RPS6KA4: variants seen among roughly 807,000 people sequenced by gnomAD.
The protein encoded by RPS6KA4 is ribosomal protein S6 kinase A4, also known as ribosomal protein S6 kinase alpha-4.
Under a neutral mutation model 89.6 loss-of-function variants are expected in RPS6KA4, and 38 were observed. That is an observed-to-expected ratio of 0.42 (90% CI 0.33 to 0.56). The LOEUF is 0.56. Ranked by LOEUF, RPS6KA4 falls within the 20% of genes least tolerant of loss-of-function variation. The pLI is 0.07. For missense variants in RPS6KA4, 873 were observed against 1,098.8 expected, an observed-to-expected ratio of 0.79 and a Z score of 2.90; for synonymous variants, 495 against 492.8, an observed-to-expected ratio of 1.00 and a Z score of -0.06.
chr11:64,365,714 CTT>C (rs1156259335), intron 9 of RPS6KA4, among the ~76,000 whole-genome samples: 1 of 152,178 alleles, frequency 6.6e-6, no homozygotes, highest in Non-Finnish European at 1.5e-5. Context: ...TCCATCATCT[CTT>C]TATTGTTATG....
chr11:64,369,729 G>A lies in RPS6KA4; in HGVS notation c.1633G>A (p.Ala545Thr). ...NILYADDTPG[A>T]PVKIIDFGFA... ...CCTGTACGCCGACGACACGCCCGGG[G>A]CCCCGGTGAAAATCATCGACTTCGG... is the stretch of plus-strand genomic sequence containing the variant. Residue 545 changes from alanine (A) to threonine (T), a missense_variant, in exon 14 of 17, where the codon GCC becomes ACC. Around this residue, in one of 4 missense-constraint regions of RPS6KA4, gnomAD observed 542 missense variants for 736.4 expected, o/e 0.74. Transcript: ENST00000334205. 1 of 1,611,144 alleles carries A rather than the reference G, an allele frequency of 6.2e-7. No individual in the cohort carries two copies. Among genetic ancestry groups the A allele is most frequent in the Non-Finnish European group, 8.5e-7 (1 of 1,178,936 alleles).
chr11:64,367,406 G>A (rs1295571843), intron 9 of RPS6KA4, among the ~76,000 whole-genome samples: 1 of 152,214 alleles, frequency 6.6e-6, no homozygotes. Flanking sequence ...TGCCTCCCGG[G>A]TTCAAGCGAT....
At chr11:64,365,045 G>A (rs189610558) in intron 8 of RPS6KA4, among the ~76,000 whole-genome samples, 1 of 151,914 alleles carries the variant, frequency 6.6e-6, no homozygotes, top group East Asian at 1.9e-4. Context: ...GAGCCACCAC[G>A]CCCGACCTTT....
chr11:64,364,112 T>C (rs1241923068), intron 8 of RPS6KA4, among the ~76,000 whole-genome samples: 2 of 152,060 alleles, frequency 1.3e-5, no homozygotes, highest in Non-Finnish European at 2.9e-5. Context: ...CAGTGCCACA[T>C]TGTCTTCAGG....
At chr11:64,368,392 C>T in intron 10 of RPS6KA4, 76 bp from the exon 11 acceptor site, 1 of 1,540,856 alleles carries the variant, frequency 6.5e-7, no homozygotes, top group Non-Finnish European at 8.7e-7. Context: ...CGACATGGGG[C>T]GTGGCGGGGC....
intron 9 of RPS6KA4, among the ~76,000 whole-genome samples, chr11:64,366,415 C>T (rs2036887683): frequency 6.6e-6 from 1 of 152,266 alleles, no homozygotes; most frequent in Non-Finnish European, 1.5e-5. Context: ...GTGGTCCGCC[C>T]ACCTCGGCCT....
chr11:64,369,883 G>C lies in RPS6KA4; in HGVS notation c.1787G>C (p.Gly596Ala). 6.5e-7 allele frequency: 1 copy of C among 1,544,764 alleles called. No homozygotes were observed. The highest frequency in any genetic ancestry group is 8.7e-7 in the Non-Finnish European group (1 of 1,143,616). Residue 596 changes from glycine (G) to alanine (A), a missense_variant, in exon 14 of 17, where the codon GGC becomes GCC. Physicochemically the swap from Gly to Ala is moderately conservative, Grantham distance 60. Coordinates refer to ENST00000334205, the MANE Select transcript of RPS6KA4 (RefSeq NM_003942.3). ...GAGTCCTGCGACCTCTGGAGCCTGG[G>C]CGTCATTCTGGTATGGGACGCGGTC... ...YDESCDLWSL[G>A]VILYMMLSGQ...
rs745576434 is a variant in RPS6KA4 at position 64,370,290 on chromosome 11, G to A, written c.1863G>A (p.Ala621=). 3.8e-6 allele frequency: 6 copies of A among 1,590,402 alleles called. No individual in the cohort carries two copies. Among genetic ancestry groups the A allele is most frequent in the Admixed American group, 3.9e-5 (2 of 51,160 alleles). Residue 621 remains alanine, a synonymous_variant, in exon 15 of 17, where the codon GCG becomes GCA. Transcript: ENST00000334205. The surrounding 1 kb of genome is among the most constrained non-coding windows in gnomAD (Gnocchi z 4.1). ...GASGQGGQSQ[A]AEIMCKIREG... ...CTGGCCAGGGCGGGCAGAGCCAGGC[G>A]GCCGAGATCATGTGCAAAATCCGCG...
intron 12 of RPS6KA4, among the ~76,000 whole-genome samples, chr11:64,369,133 A>C (rs1424973097): frequency 2.0e-5 from 3 of 152,116 alleles, no homozygotes; most frequent in Admixed American, 6.5e-5. Context: ...TCTACGAAAA[A>C]TACAAAAATT....
chr11:64,364,524 G>A (rs1228279779), intron 8 of RPS6KA4, among the ~76,000 whole-genome samples: 1 of 152,080 alleles, frequency 6.6e-6, no homozygotes, highest in Non-Finnish European at 1.5e-5. Context: ...AAACATAAAT[G>A]GGCATGTTTT....
intron 8 of RPS6KA4, among the ~76,000 whole-genome samples, chr11:64,364,686 T>G (rs143209966): frequency 1.3e-5 from 2 of 151,118 alleles, no homozygotes; most frequent in East Asian, 3.9e-4. Flanking sequence ...GACCACATCC[T>G]CTTAGATTTA....
In RPS6KA4 at chr11:64,368,777, C is replaced by T; in HGVS notation, c.1408C>T (p.His470Tyr). Reference protein sequence around the residue: ...CQSHPNVVNLHEVHHDQLHTY... With the variant: ...CQSHPNVVNLYEVHHDQLHTY... ...GTCACACCCCAACGTGGTGAATCTG[C>T]ACGAGGTGCATCACGACCAGGTGAT... The change falls in exon 12 of 17, where the codon CAC (histidine) becomes TAC (tyrosine). Residue 470 changes from histidine (H) to tyrosine (Y), a missense_variant. Coordinates refer to ENST00000334205, the MANE Select transcript of RPS6KA4 (RefSeq NM_003942.3). 6.4e-7 allele frequency: 1 copy of T among 1,569,738 alleles called. No individual in the cohort carries two copies. Among genetic ancestry groups the T allele is most frequent in the Non-Finnish European group, 8.6e-7 (1 of 1,157,632 alleles).
rs1161113341 is a variant in RPS6KA4, at chr11:64,370,371, G to A, written c.1944G>A (p.Lys648=). Residue 648 remains lysine, a synonymous_variant, in exon 15 of 17, where the codon AAG becomes AAA. Coordinates refer to ENST00000334205, the MANE Select transcript of RPS6KA4 (RefSeq NM_003942.3). This position sits in a 1 kb window ranked among gnomAD's most constrained non-coding sequence, Gnocchi z 4.1. ...GGCAGGGTGTATCCGAGGAAGCCAA[G>A]GAGCTGGTCCGAGGTGCGGAGCTGG... ...EAWQGVSEEA[K]ELVRGLLTVD... is the part of the protein sequence containing the mutation. 1 of 1,610,082 alleles carries A rather than the reference G, an allele frequency of 6.2e-7. No individual in the cohort carries two copies. The highest frequency in any genetic ancestry group is 2.2e-5 in the East Asian group (1 of 44,816).
chr11:64,371,327 G>T lies in RPS6KA4; in HGVS notation c.2166G>T (p.Val722=). The change falls in exon 17 of 17, where the codon GTG becomes GTT. Residue 722 remains valine, a synonymous_variant. Coordinates refer to ENST00000334205, the MANE Select transcript of RPS6KA4 (RefSeq NM_003942.3). Reference sequence around the variant, plus strand: ...GGGAGGGCTTCTTCCTGAAGAGCGTGGAGAATGCACCCCTGGCCAAGCGGC... The same window carrying T: ...GGGAGGGCTTCTTCCTGAAGAGCGTTGAGAATGCACCCCTGGCCAAGCGGC... ...GKREGFFLKS[V]ENAPLAKRRK... is the part of the protein sequence containing the mutation. The T allele has an allele frequency of 6.2e-7, 1 of 1,612,872 alleles. No homozygotes were observed. Among genetic ancestry groups the T allele is most frequent in the Non-Finnish European group, 8.5e-7 (1 of 1,179,948 alleles).
At chr11:64,363,998 G>A (rs542554017) in intron 8 of RPS6KA4, among the ~76,000 whole-genome samples, 10 of 152,230 alleles carry the variant, frequency 6.6e-5, no homozygotes, top group African/African-American at 2.4e-4. Context: ...TTACTTATAA[G>A]TAAACCTTTT....
chr11:64,370,323 C>T lies in RPS6KA4; in HGVS notation c.1896C>T (p.Arg632=), dbSNP rs761680324. 8 of 1,599,448 alleles carry T rather than the reference C, an allele frequency of 5.0e-6. No homozygotes were observed. The highest frequency in any genetic ancestry group is 6.8e-6 in the Non-Finnish European group (8 of 1,176,010). ...AEIMCKIREG[R]FSLDGEAWQG... ...TCATGTGCAAAATCCGCGAGGGGCG[C>T]TTCTCCCTTGACGGGGAGGCCTGGC... Residue 632 remains arginine (R), a synonymous_variant, in exon 15 of 17, where the codon CGC becomes CGT. Coordinates refer to ENST00000334205, the MANE Select transcript of RPS6KA4 (RefSeq NM_003942.3). The surrounding 1 kb of genome is among the most constrained non-coding windows in gnomAD (Gnocchi z 4.1).
Position 64,368,125 on chromosome 11 carries a change from C to T in RPS6KA4, c.1072-7C>T. 1 of 1,613,336 alleles carries T rather than the reference C, an allele frequency of 6.2e-7. No individual in the cohort carries two copies. The highest frequency in any genetic ancestry group is 1.1e-5 in the South Asian group (1 of 91,078). On this transcript the variant is annotated splice_polypyrimidine_tract_variant and splice_region_variant and intron_variant, in intron 9 of 16. Coordinates refer to ENST00000334205, the MANE Select transcript of RPS6KA4 (RefSeq NM_003942.3). ...CCATGCCCATTCCCCGGACTCCCGC[C>T]CTGCAGGGATACTCCTTTGTGGCAC...
In RPS6KA4 at chr11:64,369,497, C is replaced by T. The variant is rs1033677759; in HGVS notation, c.1480C>T (p.His494Tyr). ...ELLRGGELLE[H>Y]IRKKRHFSES... ...GCTGCGGGGCGGGGAGCTGCTGGAG[C>T]ACATCCGCAAGAAGCGGCACTTCAG... The change falls in exon 13 of 17, where the codon CAC becomes TAC. Residue 494 changes from histidine (H) to tyrosine (Y), a missense_variant. His to Tyr is a moderately conservative substitution (Grantham distance 83). Transcript: ENST00000334205. 1.9e-6 allele frequency: 3 copies of T among 1,610,058 alleles called. No individual in the cohort carries two copies. Among genetic ancestry groups the T allele is most frequent in the South Asian group, 1.1e-5 (1 of 90,794 alleles).
In RPS6KA4 at chr11:64,367,601, G is replaced by C. The variant is rs114987847; in HGVS notation, c.1072-531G>C. The stretch of plus-strand genomic sequence containing the variant: ...ACTGGGATTACAGGCGCAAGCCACC[G>C]TGCCTGGCCACAACACGCAATTAAA... On this transcript the variant is annotated intron_variant, in intron 9 of 16. Transcript: ENST00000334205. Among the ~76,000 whole-genome samples the C allele has an allele frequency of 6.7e-3, 1,021 of 152,286 alleles. 14 individuals are homozygous for C. The highest frequency in any genetic ancestry group is 0.024 in the African/African-American group (983 of 41,560).
Sources: allele counts gnomAD v4.1 joint callset (sites outside exome capture counted in the v4.1 genomes callset), GRCh38; gene constraint gnomAD v4.1.1; regional missense constraint gnomAD v4.1.1; non-coding constraint Gnocchi (gnomAD v3.1); transcripts MANE v1.5; gene names NCBI Gene and HGNC (gene_info 2026-07-23, HGNC 2026-07-21).